PCDHA3: variants seen among roughly 807,000 people sequenced by gnomAD.
PCDHA3 encodes protocadherin alpha-3.
A neutral mutation model predicts 62.2 loss-of-function variants in PCDHA3; 41 were observed. That is an observed-to-expected ratio of 0.66 (90% CI 0.51 to 0.86). The LOEUF (loss-of-function observed/expected upper bound fraction) is 0.86. PCDHA3 is among the 40% of genes least tolerant of loss of function. The pLI is 0.00. For missense variants in PCDHA3, 1,304 were observed against 1,241.2 expected (o/e 1.05, Z -0.76); for synonymous variants, 640 against 555.4 (o/e 1.15, Z -2.14).
At chr5:140,984,371 C>T (rs2097099528) in intron 3 of PCDHA3, among the ~76,000 whole-genome samples, 1 of 152,150 alleles carries the variant, frequency 6.6e-6, no homozygotes, top group African/African-American at 2.4e-5. Flanking sequence ...TGGCCAAGTC[C>T]CTCTTTCAGA....
chr5:140,871,234 G>T (rs1554165295), intron 1 of PCDHA3: 3 of 1,613,844 alleles, frequency 1.9e-6, no homozygotes, highest in Non-Finnish European at 2.5e-6. Flanking sequence ...CAGCCTCCTG[G>T]TACTCACGCT....
chr5:140,871,873 A>G (rs529401892), intron 1 of PCDHA3, among the ~76,000 whole-genome samples: 44 of 152,336 alleles, frequency 2.9e-4, no homozygotes, highest in African/African-American at 1.0e-3. Flanking sequence ...GATTATTTAA[A>G]TTTGCTCCTC....
chr5:140,992,270 G>A (rs115480506), intron 3 of PCDHA3, among the ~76,000 whole-genome samples: 186 of 152,264 alleles, frequency 1.2e-3, no homozygotes, highest in African/African-American at 4.1e-3. Flanking sequence ...AGTTCTTTTC[G>A]TAGCACATCC....
intron 1 of PCDHA3, chr5:140,852,865 C>G (rs2042498317): frequency 7.4e-6 from 7 of 950,286 alleles, no homozygotes; most frequent in Non-Finnish European, 7.6e-6. Flanking sequence ...TTTACTATGT[C>G]ATCAATAATC....
At chr5:140,978,782 A>C (rs782295456) in intron 1 of PCDHA3, 167 bp from the exon 2 acceptor site, 1 of 971,546 alleles carries the variant, frequency 1.0e-6, no homozygotes, top group African/African-American at 1.8e-5. Flanking sequence ...TTTTCTTCTA[A>C]AGTGCTATAT....
intron 1 of PCDHA3, chr5:140,967,531 T>C (rs1399482021): frequency 3.7e-6 from 6 of 1,613,104 alleles, no homozygotes; most frequent in Non-Finnish European, 4.2e-6. Context: ...ACAACTCTCC[T>C]GCCTTTGACC....
At chr5:140,993,337 G>A (rs2097550534) in intron 3 of PCDHA3, among the ~76,000 whole-genome samples, 1 of 151,924 alleles carries the variant, frequency 6.6e-6, no homozygotes, top group African/African-American at 2.4e-5. Context: ...GTGATTTGAA[G>A]GGCACTACGA....
chr5:140,827,878 G>T, intron 1 of PCDHA3: 1 of 657,238 alleles, frequency 1.5e-6, no homozygotes, highest in East Asian at 2.7e-5. Context: ...ACTGTTACGT[G>T]AATTGATTTC....
In PCDHA3 at chr5:140,848,545, C is replaced by T. The variant is rs2150412582; in HGVS notation, c.2394+44954C>T. On this transcript the variant is annotated intron_variant, in intron 1 of 3. Transcript: ENST00000522353. ...CCAGAGGGTCAGCCTCTACTGCTCT[C>T]GCTTCTGATCCTCGCAATGTGGGTG... is the stretch of plus-strand genomic sequence containing the variant. The T allele has an allele frequency of 7.5e-6, 12 of 1,595,324 alleles. No homozygotes were observed. In the South Asian group the frequency reaches 1.1e-4, roughly 15 times the overall value.
chr5:140,803,678 A>G (rs781820342), intron 1 of PCDHA3, 87 bp downstream of exon 1: 7 of 1,587,986 alleles, frequency 4.4e-6, no homozygotes, highest in Non-Finnish European at 5.1e-6. Context: ...ATTAATAGTT[A>G]AGTATGAATT....
intron 1 of PCDHA3, chr5:140,882,363 A>G: frequency 1.2e-6 from 2 of 1,614,208 alleles, no homozygotes; most frequent in South Asian, 1.1e-5. Context: ...GGCCAGCTCC[A>G]CTACTCCGTC....
chr5:140,828,109 G>T, intron 1 of PCDHA3: 1 of 1,611,506 alleles, frequency 6.2e-7, no homozygotes, highest in East Asian at 2.2e-5. Flanking sequence ...TTACCCCGGA[G>T]GATAGATTGG....
At chr5:140,823,866 G>A (rs2150129869) in intron 1 of PCDHA3, 4 of 1,613,776 alleles carry the variant, frequency 2.5e-6, no homozygotes, top group African/African-American at 1.3e-5. Context: ...ATGTCAACGT[G>A]TACCTGATCA....
intron 3 of PCDHA3, among the ~76,000 whole-genome samples, chr5:140,989,670 C>G (rs907417768): frequency 6.6e-6 from 1 of 152,104 alleles, no homozygotes. Flanking sequence ...GAAACTCTGC[C>G]CAGATTTCAA....
intron 1 of PCDHA3, chr5:140,968,325 C>T (rs148804197): frequency 1.2e-6 from 2 of 1,613,988 alleles, no homozygotes; most frequent in African/African-American, 2.7e-5. Context: ...CCAGTCACCT[C>T]CTATGTCTCC....
In PCDHA3 at chr5:140,823,634, C is replaced by G. The variant is rs2150127652; in HGVS notation, c.2394+20043C>G. On this transcript the variant is annotated intron_variant, in intron 1 of 3. Transcript: ENST00000522353. The stretch of plus-strand genomic sequence containing the variant: ...CCAGCGCCTGGCAGTGCGCGCATCC[C>G]GTTCCGCGTGGGGCTGTACACAGGC... 6.2e-6 allele frequency: 10 copies of G among 1,613,940 alleles called. No homozygotes were observed. Among genetic ancestry groups the G allele is most frequent in the Admixed American group, 1.7e-5 (1 of 60,012 alleles).
chr5:140,865,936 A>G (rs1279027190), intron 1 of PCDHA3: 2 of 152,184 alleles, frequency 1.3e-5, no homozygotes, highest in Non-Finnish European at 2.9e-5. Flanking sequence ...AAGAAACTTC[A>G]TGATTGTCTT....
chr5:140,843,577 A>G, intron 1 of PCDHA3: 1 of 1,595,954 alleles, frequency 6.3e-7, no homozygotes, highest in East Asian at 2.2e-5. Context: ...CATACTCGCA[A>G]CAACAGCCGC....
intron 3 of PCDHA3, among the ~76,000 whole-genome samples, chr5:140,995,853 A>G (rs934469128): frequency 4.6e-5 from 7 of 152,220 alleles, no homozygotes. Context: ...TTTCTATCGT[A>G]TCACTTAATA....
Sources: gnomAD v4.1 joint callset for allele counts (sites outside exome capture counted in the v4.1 genomes callset) on GRCh38, gnomAD v4.1.1 for gene constraint, MANE v1.5 for transcripts, NCBI Gene and HGNC (gene_info 2026-07-23, HGNC 2026-07-21) for gene names.